WDFY3: variants seen among roughly 807,000 people sequenced by gnomAD.
The protein encoded by WDFY3 is WD repeat and FYVE domain-containing protein 3.
Under a neutral mutation model 409.6 loss-of-function variants are expected in WDFY3, and 66 were observed. The observed-to-expected ratio is 0.16, with a 90% CI of 0.13 to 0.20. The LOEUF is 0.20. WDFY3 is among the 10% of genes least tolerant of loss of function. The probability of loss-of-function intolerance (pLI) is 1.00; values close to 1 mark genes in which losing one functional copy is unlikely to be tolerated. For missense variants in WDFY3, 3,031 were observed against 4,298.1 expected, an observed-to-expected ratio of 0.71 and a Z score of 8.24; for synonymous variants, 1,521 against 1,537.1, an observed-to-expected ratio of 0.99 and a Z score of 0.25.
At chr4:84,798,200 AAC>A (rs2149609182) in intron 17 of WDFY3, 92 bp from the exon 18 acceptor site, 4 of 1,114,560 alleles carry the variant, frequency 3.6e-6, no homozygotes, top group South Asian at 3.1e-5. Context: ...AATAAATTCC[AAC>A]AGACTAATTA....
intron 4 of WDFY3, among the ~76,000 whole-genome samples, chr4:84,852,906 T>A (rs115604527): frequency 3.6e-4 from 54 of 152,080 alleles, no homozygotes; most frequent in African/African-American, 1.3e-3. Flanking sequence ...TACAGGTGCC[T>A]GCCACCACAC....
chr4:84,954,597 T>C (rs1266062690), intron 1 of WDFY3, among the ~76,000 whole-genome samples: 1 of 152,208 alleles, frequency 6.6e-6, no homozygotes, highest in Non-Finnish European at 1.5e-5. Context: ...TAGTAAACAG[T>C]CTTAGAGTTC....
intron 3 of WDFY3, among the ~76,000 whole-genome samples, chr4:84,868,401 A>C (rs1761724986): frequency 6.6e-6 from 1 of 151,984 alleles, no homozygotes; most frequent in African/African-American, 2.4e-5. Context: ...ACAAACAAAA[A>C]CAAGTTCTAC....
At chr4:84,682,204 G>GA (rs1218202545) in intron 64 of WDFY3, among the ~76,000 whole-genome samples, 170 bp downstream of exon 64, 1 of 152,196 alleles carries the variant, frequency 6.6e-6, no homozygotes, top group Non-Finnish European at 1.5e-5. Context: ...GTGAAGTAGA[G>GA]AAAACCTTGC....
chr4:84,804,668 G>A (rs956307760), intron 15 of WDFY3, among the ~76,000 whole-genome samples: 1 of 151,816 alleles, frequency 6.6e-6, no homozygotes, highest in Non-Finnish European at 1.5e-5. Context: ...CTCCTATATT[G>A]CTCCCTTTAT....
At chr4:84,729,471 C>T (rs894603219) in intron 44 of WDFY3, among the ~76,000 whole-genome samples, 16 of 151,696 alleles carry the variant, frequency 1.1e-4, no homozygotes, top group Non-Finnish European at 1.8e-4. Flanking sequence ...TCCATATGTA[C>T]TTAATTTTTC....
chr4:84,757,603 A>AGCTTT (rs1741686722), intron 32 of WDFY3, among the ~76,000 whole-genome samples: 1 of 152,080 alleles, frequency 6.6e-6, no homozygotes, highest in South Asian at 2.1e-4. Context: ...TTTGAGACAC[A>AGCTTT]GTTTTGCTTT....
At chr4:84,841,674 G>C (rs1757372921) in intron 5 of WDFY3, among the ~76,000 whole-genome samples, 1 of 152,164 alleles carries the variant, frequency 6.6e-6, no homozygotes, top group Admixed American at 6.6e-5. Context: ...AAAGAACTGT[G>C]ATAACACTTT....
chr4:84,696,905 G>A (rs1443529877), intron 56 of WDFY3, 82 bp from the exon 57 acceptor site: 28 of 1,268,422 alleles, frequency 2.2e-5, no homozygotes, highest in Non-Finnish European at 3.0e-5. Context: ...ACTGAGAAAT[G>A]GTGGGTTAGA....
intron 47 of WDFY3, among the ~76,000 whole-genome samples, chr4:84,720,577 T>A (rs550164897): frequency 6.6e-6 from 1 of 151,970 alleles, no homozygotes; most frequent in South Asian, 2.1e-4. Flanking sequence ...CGGTAATGAG[T>A]CCTTACTCTA....
At position 84,751,116 on chromosome 4, in the gene WDFY3, C is replaced by A. The variant is rs114652889; in HGVS notation, c.5973+367G>T. 2.6e-3 allele frequency: 722 copies of A among 278,128 alleles called. 4 individuals are homozygous for A. The highest frequency in any genetic ancestry group is 0.014 in the African/African-American group (668 of 46,162). 17.2% of individuals were successfully genotyped at this position (278,128 alleles called of 1,614,324 possible). A position where few individuals can be genotyped will look rare whatever the true frequency, so the allele number is the denominator to read the frequency against. On this transcript the variant is annotated intron_variant, in intron 36 of 67. Coordinates refer to ENST00000295888, the MANE Select transcript of WDFY3 (RefSeq NM_014991.6). ...AAAGTTTTATCAGAACACTGCCATG[C>A]TCATTCTCTTACGTATTGTCCATGG...
rs934086080 is a variant in WDFY3, at chr4:84,797,807, G to A, written c.2935+189C>T. Among the ~76,000 whole-genome samples the A allele has an allele frequency of 4.6e-5, 7 of 151,924 alleles. No homozygotes were observed. The South Asian group carries it at 6.2e-4, about 14-fold the overall frequency. On this transcript the variant is annotated intron_variant, in intron 18 of 67. Transcript: ENST00000295888. ...ACCATGGTCTCGAACTCCCGACCTC[G>A]TGATCCGCCCGTCTCGGCCTCCCAA...
chr4:84,686,049 C>G (rs1042512788), intron 62 of WDFY3, among the ~76,000 whole-genome samples: 5 of 152,092 alleles, frequency 3.3e-5, no homozygotes, highest in Admixed American at 6.5e-5. Context: ...ACCTTTCAGA[C>G]AGAAAAAACA....
At chr4:84,888,798 C>T (rs1244543762) in intron 3 of WDFY3, among the ~76,000 whole-genome samples, 1 of 151,126 alleles carries the variant, frequency 6.6e-6, no homozygotes, top group Non-Finnish European at 1.5e-5. Context: ...AGAATATTTG[C>T]AACACAGGAA....
chr4:84,796,458 T>C, intron 19 of WDFY3, 63 bp downstream of exon 19: 2 of 1,034,834 alleles, frequency 1.9e-6, no homozygotes, highest in South Asian at 6.6e-5. Flanking sequence ...ACCAAAGATC[T>C]ATTTGTAAAG....
intron 61 of WDFY3, among the ~76,000 whole-genome samples, chr4:84,688,969 A>G (rs985671060): frequency 1.3e-5 from 2 of 152,228 alleles, no homozygotes; most frequent in African/African-American, 4.8e-5. Context: ...TTCTGAAGAA[A>G]AAGATTTAGA....
In WDFY3 at chr4:84,733,550, C is replaced by G; in HGVS notation, c.7053G>C (p.Leu2351=). Residue 2351 remains leucine, a synonymous_variant, in exon 44 of 68, where the codon CTG becomes CTC. Coordinates refer to ENST00000295888, the MANE Select transcript of WDFY3 (RefSeq NM_014991.6). The part of the protein sequence containing the change: ...TEEWCQIECE[L]LRERGLWGPP... The stretch of plus-strand genomic sequence containing the variant: ...GGCCCCACAGCCCCCGCTCCCTCAA[C>G]AGCTCGCACTCGATCTGACACCACT... The G allele has an allele frequency of 6.2e-7, 1 of 1,614,188 alleles. No individual in the cohort carries two copies. Among genetic ancestry groups the G allele is most frequent in the Non-Finnish European group, 8.5e-7 (1 of 1,180,032 alleles).
At chr4:84,928,381 A>G (rs1008706139) in intron 2 of WDFY3, among the ~76,000 whole-genome samples, 2 of 152,184 alleles carry the variant, frequency 1.3e-5, no homozygotes, top group African/African-American at 4.8e-5. Context: ...GCTTCCAGAC[A>G]GCCTATGGTG....
At chr4:84,781,780 C>G (rs1336689543) in intron 25 of WDFY3, among the ~76,000 whole-genome samples, 1 of 152,136 alleles carries the variant, frequency 6.6e-6, no homozygotes, top group Non-Finnish European at 1.5e-5. Flanking sequence ...AAGGACATAC[C>G]ACAGTGCTTG....
Sources: gnomAD v4.1 joint callset for allele counts (sites outside exome capture counted in the v4.1 genomes callset) on GRCh38, gnomAD v4.1.1 for gene constraint, MANE v1.5 for transcripts, NCBI Gene and HGNC (gene_info 2026-07-23, HGNC 2026-07-21) for gene names.